The following CTSA variants were observed in gnomAD, a reference collection of about 807,000 sequenced individuals.
CTSA encodes the protein lysosomal protective protein.
A neutral mutation model predicts 66.7 loss-of-function variants in CTSA; 42 were observed. The ratio of observed to expected loss-of-function variants is 0.63; its 90% CI spans 0.49 to 0.81. The LOEUF is 0.81. Ranked by LOEUF, CTSA falls within the 40% of genes least tolerant of loss-of-function variation. The pLI, the probability that CTSA is intolerant of heterozygous loss-of-function variation, is 0.00. For missense variants in CTSA, 525 were observed against 610.9 expected, an observed-to-expected ratio of 0.86 and a Z score of 1.48; for synonymous variants, 225 against 248.6, an observed-to-expected ratio of 0.91 and a Z score of 0.89.
chr20:45,897,096 C>A, intron 12 of CTSA, 56 bp downstream of exon 12: 1 of 1,383,612 alleles, frequency 7.2e-7, no homozygotes, highest in Non-Finnish European at 1.0e-6. Flanking sequence ...CAGAGTAGCA[C>A]AGCAAGCTGG....
At chr20:45,892,693 T>C (rs200864951) in intron 5 of CTSA, 32 bp from the exon 6 acceptor site, 17 of 1,614,112 alleles carry the variant, frequency 1.1e-5, no homozygotes, top group Non-Finnish European at 1.4e-5. Context: ...CAAAGCTTCC[T>C]GATTCCCTCT....
Position 45,891,813 on chromosome 20 carries a change from G to C in CTSA, c.194+51G>C, listed in dbSNP as rs780604119. The C allele has an allele frequency of 1.2e-6, 2 of 1,612,642 alleles. No individual in the cohort carries two copies. The highest frequency in any genetic ancestry group is 4.5e-5 in the East Asian group (2 of 44,884). ...GATTGGGAGAAGAGATGACGGATGA[G>C]GGATGGGGGGTAGTTCTGCAGACCC... is the stretch of plus-strand genomic sequence containing the variant. On this transcript the variant is annotated intron_variant, in intron 2 of 14. Coordinates refer to ENST00000646241, the MANE Select transcript of CTSA (RefSeq NM_000308.4). The surrounding 1 kb of genome is among the most constrained non-coding windows in gnomAD (Gnocchi z 4.6).
In CTSA at chr20:45,891,579, C is replaced by G. The variant is rs1986920005; in HGVS notation, c.11C>G (p.Ala4Gly). The G allele has an allele frequency of 6.3e-7, 1 of 1,593,034 alleles. No individual in the cohort carries two copies. The highest frequency in any genetic ancestry group is 2.3e-5 in the East Asian group (1 of 44,212). Residue 4 changes from alanine (A) to glycine (G), a missense_variant, in exon 2 of 15, where the codon GCC (alanine) becomes GGC (glycine). This residue lies in a region of CTSA where 246 missense variants were observed against 267.4 expected (regional missense o/e 0.92). Coordinates refer to ENST00000646241, the MANE Select transcript of CTSA (RefSeq NM_000308.4). The surrounding 1 kb of genome is among the most constrained non-coding windows in gnomAD (Gnocchi z 4.6). ...TGCTGCCTCCCGTAGATGATCCGAG[C>G]CGCGCCGCCGCCGCTGTTCCTGCTG... The part of the protein sequence containing the change: MIR[A>G]APPPLFLLLL...
Position 45,892,838 on chromosome 20 carries a change from C to G in CTSA, c.558C>G (p.Thr186=), listed in dbSNP as rs780223147. ...GCTATGCTGGCATCTACATCCCCAC[C>G]CTGGCCGTGCTGGTCATGCAGGATC... The part of the protein sequence containing the change: ...GESYAGIYIP[T]LAVLVMQDPS... Residue 186 remains threonine, a synonymous_variant, in exon 6 of 15, where the codon ACC becomes ACG. Transcript: ENST00000646241. 3.1e-6 allele frequency: 5 copies of G among 1,614,138 alleles called. No individual in the cohort carries two copies. In the East Asian group the frequency reaches 1.1e-4, roughly 36 times the overall value.
intron 11 of CTSA, 22 bp from the exon 12 acceptor site, chr20:45,896,943 C>T: frequency 6.2e-7 from 1 of 1,607,750 alleles, no homozygotes; most frequent in Non-Finnish European, 8.5e-7. Flanking sequence ...CTTCCTGGGG[C>T]CTGCTCGTAT....
Position 45,892,039 on chromosome 20 carries a change from G to GC in CTSA, c.306+13dup. 1 of 1,602,454 alleles carries GC rather than the reference G, an allele frequency of 6.2e-7. No homozygotes were observed. Among genetic ancestry groups the GC allele is most frequent in the South Asian group, 1.1e-5 (1 of 90,852 alleles). On this transcript the variant is annotated intron_variant, in intron 3 of 14. Transcript: ENST00000646241. ...ATGGCCCCTTCCTGGTGAGTGGACA[G>GC]CAGGGGGAAAGCACAGTTCCCAAAG...
In CTSA at chr20:45,894,683, G is replaced by A; in HGVS notation, c.811G>A (p.Gly271Ser). 1 of 1,614,094 alleles carries A rather than the reference G, an allele frequency of 6.2e-7. No homozygotes were observed. The highest frequency in any genetic ancestry group is 8.5e-7 in the Non-Finnish European group (1 of 1,180,014). The change falls in exon 9 of 15, where the codon GGC becomes AGC. Residue 271 changes from glycine to serine, a missense_variant. Physicochemically the swap from Gly to Ser is moderately conservative, Grantham distance 56 (BLOSUM62 0). Coordinates refer to ENST00000646241, the MANE Select transcript of CTSA (RefSeq NM_000308.4). Reference protein sequence around the residue: ...QEVARIVGNSGLNIYNLYAPC... With the variant: ...QEVARIVGNSSLNIYNLYAPC... ...AGTGGCCCGCATCGTGGGCAACTCTGGCCTCAACATCTACAATCTCTATGC... is the reference window on the plus strand; with the variant it reads ...AGTGGCCCGCATCGTGGGCAACTCTAGCCTCAACATCTACAATCTCTATGC...
chr20:45,894,271 C>T (rs1987121856), intron 8 of CTSA, 199 bp downstream of exon 8: 2 of 654,964 alleles, frequency 3.1e-6, no homozygotes, highest in Admixed American at 2.2e-5. Context: ...CCATAACCTC[C>T]GTGAGGAGAA....
At chr20:45,893,868 G>A in intron 7 of CTSA, 120 bp from the exon 8 acceptor site, 7 of 761,492 alleles carry the variant, frequency 9.2e-6, no homozygotes, top group Non-Finnish European at 1.7e-5. Flanking sequence ...CACACCCTGT[G>A]ATATCTTTCC....
chr20:45,891,746 A>G lies in CTSA; in HGVS notation c.178A>G (p.Lys60Glu). 3 of 1,613,760 alleles carry G rather than the reference A, an allele frequency of 1.9e-6. No homozygotes were observed. Among genetic ancestry groups the G allele is most frequent in the South Asian group, 2.2e-5 (2 of 91,084 alleles). ...CGGCTACCTCAAAGGCTCCGGCTCC[A>G]AGCACCTCCACTACTGGTCTGCCGC... ...YSGYLKGSGS[K>E]HLHYWFVESQ... Residue 60 changes from lysine to glutamate, a missense_variant, in exon 2 of 15, where the codon AAG (lysine) becomes GAG (glutamate). This residue lies in a region of CTSA where 246 missense variants were observed against 267.4 expected (regional missense o/e 0.92). Coordinates refer to ENST00000646241, the MANE Select transcript of CTSA (RefSeq NM_000308.4). This position sits in a 1 kb window ranked among gnomAD's most constrained non-coding sequence, Gnocchi z 4.6.
At position 45,895,104 on chromosome 20, in the gene CTSA, G is replaced by C; in HGVS notation, c.1059G>C (p.Pro353=). Reference sequence around the variant, plus strand: ...ACGTGCGGAAGGCCCTCAACATCCCGGAGCAGCTGCCACAATGGGACATGT... The same window carrying C: ...ACGTGCGGAAGGCCCTCAACATCCCCGAGCAGCTGCCACAATGGGACATGT... The part of the protein sequence containing the change: ...NPYVRKALNI[P]EQLPQWDMCN... Residue 353 remains proline, a synonymous_variant, in exon 11 of 15, where the codon CCG becomes CCC. Coordinates refer to ENST00000646241, the MANE Select transcript of CTSA (RefSeq NM_000308.4). The C allele has an allele frequency of 6.2e-7, 1 of 1,614,128 alleles. No individual in the cohort carries two copies. The highest frequency in any genetic ancestry group is 1.3e-5 in the African/African-American group (1 of 75,016).
chr20:45,894,309 T>G (rs775074216), intron 8 of CTSA: 41 of 630,244 alleles, frequency 6.5e-5, no homozygotes, highest in Non-Finnish European at 1.1e-4. Flanking sequence ...ATCAAACACC[T>G]GCAACGTGGC....
chr20:45,893,861 A>T (rs1987098461), intron 7 of CTSA, 127 bp from the exon 8 acceptor site: 2 of 751,594 alleles, frequency 2.7e-6, no homozygotes, highest in Non-Finnish European at 4.8e-6. Flanking sequence ...TACAGACCAC[A>T]CCCTGTGATA....
intron 11 of CTSA, chr20:45,895,374 G>A (rs999197350): frequency 2.9e-5 from 15 of 510,082 alleles, no homozygotes; most frequent in African/African-American, 3.9e-5. Context: ...AGGCTGGAGT[G>A]CAGTGGTGTG....
rs1215893742 is a variant in CTSA at position 45,893,241 on chromosome 20, C to T, written c.622C>T (p.Leu208Phe). Residue 208 changes from leucine to phenylalanine, a missense_variant, in exon 7 of 15, where the codon CTC becomes TTC. Coordinates refer to ENST00000646241, the MANE Select transcript of CTSA (RefSeq NM_000308.4). ...NLQGLAVGNG[L>F]SSYEQNDNSL... Reference sequence around the variant, plus strand: ...ACAGGGGCTGGCTGTGGGCAATGGACTCTCCTCCTATGAGCAGAATGACAA... The same window carrying T: ...ACAGGGGCTGGCTGTGGGCAATGGATTCTCCTCCTATGAGCAGAATGACAA... The T allele has an allele frequency of 1.2e-6, 2 of 1,614,152 alleles. No homozygotes were observed. Among genetic ancestry groups the T allele is most frequent in the East Asian group, 2.2e-5 (1 of 44,888 alleles).
At position 45,891,691 on chromosome 20, in the gene CTSA, G is replaced by A. The variant is rs777864836; in HGVS notation, c.123G>A (p.Leu41=). The change falls in exon 2 of 15, where the codon CTG becomes CTA. Residue 41 remains leucine (L), a synonymous_variant. Coordinates refer to ENST00000646241, the MANE Select transcript of CTSA (RefSeq NM_000308.4). This position sits in a 1 kb window ranked among gnomAD's most constrained non-coding sequence, Gnocchi z 4.6. ...DQDEIQRLPG[L]AKQPSFRQYS... ...ACGAGATCCAGCGCCTCCCCGGGCT[G>A]GCCAAGCAGCCGTCTTTCCGCCAGT... The A allele has an allele frequency of 6.2e-7, 1 of 1,613,270 alleles. No individual in the cohort carries two copies. The highest frequency in any genetic ancestry group is 8.5e-7 in the Non-Finnish European group (1 of 1,180,014).
Position 45,893,251 on chromosome 20 carries a change from A to G in CTSA, c.632A>G (p.Tyr211Cys). The part of the protein sequence containing the change: ...GLAVGNGLSS[Y>C]EQNDNSLVYF... ...GCTGTGGGCAATGGACTCTCCTCCT[A>G]TGAGCAGAATGACAACTCCCTGGTC... The change falls in exon 7 of 15, where the codon TAT becomes TGT. Residue 211 changes from tyrosine to cysteine, a missense_variant. Physicochemically the swap from Tyr to Cys is radical, Grantham distance 194. This residue lies in a region of CTSA where 246 missense variants were observed against 267.4 expected (regional missense o/e 0.92). Coordinates refer to ENST00000646241, the MANE Select transcript of CTSA (RefSeq NM_000308.4). 2 of 1,614,126 alleles carry G rather than the reference A, an allele frequency of 1.2e-6. No homozygotes were observed. The highest frequency in any genetic ancestry group is 1.3e-5 in the African/African-American group (1 of 75,014).
chr20:45,898,515 C>T lies in CTSA; in HGVS notation c.*65C>T. ...CCCAGCCTCTCCCGCTAGGAGAGTC[C>T]TCTTCTAAGCAAAGTGCCCCTGCAG... On this transcript the variant is annotated 3_prime_UTR_variant, in exon 15 of 15. Coordinates refer to ENST00000646241, the MANE Select transcript of CTSA (RefSeq NM_000308.4). This position sits in a 1 kb window ranked among gnomAD's most constrained non-coding sequence, Gnocchi z 4.6. 2 of 1,489,082 alleles carry T rather than the reference C, an allele frequency of 1.3e-6. No homozygotes were observed. Among genetic ancestry groups the T allele is most frequent in the Non-Finnish European group, 1.9e-6 (2 of 1,074,796 alleles). The allele number at this position is 1,489,082 out of a possible 1,614,324, so 92.2% of individuals were successfully genotyped here.
Position 45,894,725 on chromosome 20 carries a change from G to A in CTSA, c.853G>A (p.Val285Met). Residue 285 changes from valine (V) to methionine (M), a missense_variant, in exon 9 of 15, where the codon GTG becomes ATG. Physicochemically the swap from Val to Met is conservative, Grantham distance 21 (BLOSUM62 1). This residue lies in a region of CTSA where 274 missense variants were observed against 321.1 expected (regional missense o/e 0.85). Coordinates refer to ENST00000646241, the MANE Select transcript of CTSA (RefSeq NM_000308.4). Reference protein sequence around the residue: ...YNLYAPCAGGVPSHFRYEKDT... With the variant: ...YNLYAPCAGGMPSHFRYEKDT... Reference sequence around the variant, plus strand: ...TCTCTATGCCCCGTGTGCTGGAGGGGTGCCCAGCCATTTTAGGTAGGTGCT... The same window carrying A: ...TCTCTATGCCCCGTGTGCTGGAGGGATGCCCAGCCATTTTAGGTAGGTGCT... 6.2e-7 allele frequency: 1 copy of A among 1,614,122 alleles called. No individual in the cohort carries two copies. The highest frequency in any genetic ancestry group is 8.5e-7 in the Non-Finnish European group (1 of 1,180,012).
Sources: allele counts gnomAD v4.1 joint callset, GRCh38; gene constraint gnomAD v4.1.1; regional missense constraint gnomAD v4.1.1; non-coding constraint Gnocchi (gnomAD v3.1); transcripts MANE v1.5; gene names NCBI Gene and HGNC (gene_info 2026-07-23, HGNC 2026-07-21).